Variants in MARCHF1 observed in about 807,000 individuals in gnomAD.
MARCHF1 encodes the protein E3 ubiquitin-protein ligase MARCHF1.
Under a neutral mutation model 54.2 loss-of-function variants are expected in MARCHF1, and 40 were observed. That is an observed-to-expected ratio of 0.74 (90% confidence interval 0.57 to 0.96). The LOEUF is 0.96. Ranked by LOEUF, MARCHF1 falls within the 40% of genes least tolerant of loss-of-function variation. The probability of loss-of-function intolerance (pLI) is 0.00; values close to 1 mark genes in which losing one functional copy is unlikely to be tolerated. For missense variants in MARCHF1, 586 were observed against 656.5 expected, an observed-to-expected ratio of 0.89 and a Z score of 1.17; for synonymous variants, 236 against 236.3, an observed-to-expected ratio of 1.00 and a Z score of 0.01.
rs571083030 is a variant in MARCHF1 at position 164,239,784 on chromosome 4, T to C, written c.-322-128122A>G. Among the ~76,000 whole-genome samples the C allele has an allele frequency of 8.5e-5, 13 of 152,196 alleles. No individual in the cohort carries two copies. The East Asian group carries it at 1.3e-3, about 16-fold the overall frequency. On this transcript the variant is annotated intron_variant, in intron 1 of 9. Transcript: ENST00000514618. ...ACAAAATAATTTTTAAGAGTGTATG[T>C]ATATGTCATATTCTTCTTTTCATTT...
In MARCHF1 at chr4:164,176,962, CTCTCTCTCTCTCTCTCTCTAT is replaced by C. The variant is rs1730686033; in HGVS notation, c.-322-65321_-322-65301del. 1.2e-4 allele frequency among the ~76,000 whole-genome samples: 5 copies of C among 42,274 alleles called. No individual in the cohort carries two copies. The South Asian group carries it at 3.7e-3, about 31-fold the overall frequency. The allele number at this position is 42,274 out of a possible 152,430, so 27.7% of individuals were successfully genotyped here. A position where few individuals can be genotyped will look rare whatever the true frequency, so the allele number is the denominator to read the frequency against. On this transcript the variant is annotated intron_variant, in intron 1 of 9. Coordinates refer to ENST00000514618, the MANE Select transcript of MARCHF1 (RefSeq NM_001394959.1). ...GTGCGCTCTCTCTCTCTCTCTCTCT[CTCTCTCTCTCTCTCTCTCTAT>C]ATATATATATATATATATATATATA... is the stretch of plus-strand genomic sequence containing the variant.
intron 4 of MARCHF1, among the ~76,000 whole-genome samples, chr4:163,841,633 G>C (rs934911835): frequency 3.3e-5 from 5 of 152,006 alleles, no homozygotes; most frequent in African/African-American, 1.2e-4. Flanking sequence ...ATGCCCATTG[G>C]ATAGTTCTAG....
At chr4:163,678,163 C>G (rs1352739908) in intron 5 of MARCHF1, among the ~76,000 whole-genome samples, 1 of 152,096 alleles carries the variant, frequency 6.6e-6, no homozygotes, top group Non-Finnish European at 1.5e-5. Flanking sequence ...TTCCCTATTT[C>G]TTATACTAAA....
chr4:164,241,262 C>A (rs1489460663), intron 1 of MARCHF1, among the ~76,000 whole-genome samples: 1 of 152,076 alleles, frequency 6.6e-6, no homozygotes, highest in Non-Finnish European at 1.5e-5. Context: ...AGATTATTTT[C>A]AAAAACCCTA....
chr4:164,061,564 G>A (rs1355296494), intron 2 of MARCHF1, among the ~76,000 whole-genome samples: 1 of 148,472 alleles, frequency 6.7e-6, no homozygotes, highest in Non-Finnish European at 1.5e-5. Context: ...ATAGCATTAG[G>A]AGATATACCT....
intron 1 of MARCHF1, among the ~76,000 whole-genome samples, chr4:164,132,585 C>T (rs773960750): frequency 6.6e-6 from 1 of 152,058 alleles, no homozygotes; most frequent in Non-Finnish European, 1.5e-5. Context: ...CTATTTTAAG[C>T]GCACATTTTT....
At chr4:164,254,486 G>GTA (rs1733215908) in intron 1 of MARCHF1, among the ~76,000 whole-genome samples, 2 of 151,160 alleles carry the variant, frequency 1.3e-5, no homozygotes, top group East Asian at 3.9e-4. Flanking sequence ...CACATAGTGT[G>GTA]TATATATATG....
chr4:163,863,196 A>G (rs1560793529), intron 3 of MARCHF1, among the ~76,000 whole-genome samples: 1 of 152,082 alleles, frequency 6.6e-6, no homozygotes, highest in Non-Finnish European at 1.5e-5. Flanking sequence ...CCCAGGATGG[A>G]AAGCAGGCTG....
At chr4:163,893,419 G>A (rs116358792) in intron 3 of MARCHF1, among the ~76,000 whole-genome samples, 1,541 of 152,232 alleles carry the variant, frequency 0.01, 12 homozygotes, top group African/African-American at 0.016. Flanking sequence ...GATTACAGGC[G>A]TGAGCCACAA....
At chr4:163,753,691 A>T (rs912437569) in intron 4 of MARCHF1, among the ~76,000 whole-genome samples, 8 of 152,168 alleles carry the variant, frequency 5.3e-5, no homozygotes, top group African/African-American at 1.9e-4. Context: ...TTTAATATTC[A>T]AAAGAATATT....
intron 5 of MARCHF1, among the ~76,000 whole-genome samples, chr4:163,642,311 G>T (rs948936325): frequency 6.6e-6 from 1 of 152,070 alleles, no homozygotes; most frequent in Non-Finnish European, 1.5e-5. Flanking sequence ...AGATAATAAA[G>T]AGTTGGTTCT....
At chr4:163,548,291 GTGT>G (rs1402872344) in intron 8 of MARCHF1, among the ~76,000 whole-genome samples, 8 of 152,186 alleles carry the variant, frequency 5.3e-5, no homozygotes, top group Non-Finnish European at 8.8e-5. Flanking sequence ...TAAAGTTTCT[GTGT>G]TGCAAGTGGA....
intron 8 of MARCHF1, among the ~76,000 whole-genome samples, chr4:163,546,149 T>C (rs1738899065): frequency 6.6e-6 from 1 of 152,066 alleles, no homozygotes; most frequent in Non-Finnish European, 1.5e-5. Flanking sequence ...AATTTTTTTA[T>C]GTATTTGTAG....
intron 3 of MARCHF1, among the ~76,000 whole-genome samples, chr4:163,872,873 C>T (rs955423558): frequency 1.6e-4 from 25 of 151,656 alleles, no homozygotes; most frequent in Non-Finnish European, 3.2e-4. Flanking sequence ...TGAAACCCCG[C>T]CTCTACTAAA....
At chr4:163,855,982 C>G (rs1008953467) in intron 3 of MARCHF1, among the ~76,000 whole-genome samples, 1 of 152,158 alleles carries the variant, frequency 6.6e-6, no homozygotes, top group African/African-American at 2.4e-5. Context: ...TCGATCTATT[C>G]TAGAGAATTT....
chr4:163,630,529 T>C (rs1332231828), intron 5 of MARCHF1, among the ~76,000 whole-genome samples: 1 of 152,236 alleles, frequency 6.6e-6, no homozygotes, highest in Non-Finnish European at 1.5e-5. Context: ...ACTCATTGGC[T>C]TGAACAATTT....
chr4:164,236,807 A>G (rs1323934717), intron 1 of MARCHF1, among the ~76,000 whole-genome samples: 1 of 152,156 alleles, frequency 6.6e-6, no homozygotes, highest in East Asian at 1.9e-4. Flanking sequence ...TATTTGGAAC[A>G]CCTTTCAAGT....
chr4:164,074,041 C>A (rs549069191), intron 2 of MARCHF1, among the ~76,000 whole-genome samples: 1 of 152,190 alleles, frequency 6.6e-6, no homozygotes, highest in East Asian at 1.9e-4. Context: ...CTTGCCCTAA[C>A]AATAAGCAGT....
chr4:163,700,528 AGAAGGAAGGAAGGAAGGAAG>A (rs57173687), intron 5 of MARCHF1, among the ~76,000 whole-genome samples: 86 of 114,566 alleles, frequency 7.5e-4, no homozygotes, highest in South Asian at 1.7e-3. Context: ...AAAGAAAGAA[AGAAGGAAGGAAGGAAGGAAG>A]GAAGGAAGGA....
Sources: allele counts gnomAD v4.1 joint callset (sites outside exome capture counted in the v4.1 genomes callset), GRCh38; gene constraint gnomAD v4.1.1; transcripts MANE v1.5; gene names NCBI Gene and HGNC (gene_info 2026-07-23, HGNC 2026-07-21).